BABAM2: variants seen among roughly 807,000 people sequenced by gnomAD.
The protein encoded by BABAM2 is BRISC and BRCA1 A complex member 2, also known as BRISC and BRCA1-A complex member 2.
A neutral mutation model predicts 54.7 loss-of-function variants in BABAM2; 31 were observed. The ratio of observed to expected loss-of-function variants is 0.57; its 90% CI spans 0.43 to 0.77. BABAM2 has a LOEUF of 0.77. Ranked by LOEUF, BABAM2 falls within the 30% of genes least tolerant of loss-of-function variation. The pLI, the probability that BABAM2 is intolerant of heterozygous loss-of-function variation, is 0.00. For missense variants in BABAM2, 364 were observed against 455.8 expected (o/e 0.80, Z 1.83); for synonymous variants, 167 against 162.9 (o/e 1.03, Z -0.19).
At chr2:28,194,650 C>T (rs1045798222) in intron 7 of BABAM2, among the ~76,000 whole-genome samples, 18 of 137,734 alleles carry the variant, frequency 1.3e-4, no homozygotes, top group African/African-American at 2.5e-4. Flanking sequence ...GGCACGATCT[C>T]GGCTCATTGC....
intron 10 of BABAM2, among the ~76,000 whole-genome samples, chr2:28,285,627 C>T (rs1399199147): frequency 6.6e-6 from 1 of 152,182 alleles, no homozygotes; most frequent in East Asian, 1.9e-4. Flanking sequence ...GTCAGCCTTA[C>T]ATCCAATCCC....
chr2:27,929,899 A>G lies in BABAM2; in HGVS notation c.196A>G (p.Thr66Ala). Residue 66 changes from threonine to alanine, a missense_variant, in exon 3 of 12, where the codon ACA becomes GCA. Physicochemically the swap from Thr to Ala is moderately conservative, Grantham distance 58. Transcript: ENST00000379624. ...FKLHIPYAGE[T>A]LKWDIIFNAQ... is the part of the protein sequence containing the mutation. ...ACTGCACATACCATATGCTGGAGAG[A>G]CATTAAAGTGTAAGTAAATGATGAC... The G allele has an allele frequency of 6.2e-7, 1 of 1,611,534 alleles. No individual in the cohort carries two copies. Among genetic ancestry groups the G allele is most frequent in the Non-Finnish European group, 8.5e-7 (1 of 1,177,670 alleles).
Position 27,894,615 on chromosome 2 carries a change from G to C in BABAM2, c.59G>C (p.Ser20Thr). The C allele has an allele frequency of 6.2e-7, 1 of 1,613,992 alleles. No individual in the cohort carries two copies. ...CCAATGCTCTCCCCTTTCATATCTAGCGTGGTCCGGAATGGAAAAGTGGGA... is the reference window on the plus strand; with the variant it reads ...CCAATGCTCTCCCCTTTCATATCTACCGTGGTCCGGAATGGAAAAGTGGGA... ...ISPMLSPFISSVVRNGKVGLD... is the reference protein window; with the variant it reads ...ISPMLSPFISTVVRNGKVGLD... Residue 20 changes from serine to threonine, a missense_variant, in exon 2 of 12, where the codon AGC becomes ACC. Ser to Thr is a moderately conservative substitution (Grantham distance 58). Coordinates refer to ENST00000379624, the MANE Select transcript of BABAM2 (RefSeq NM_199191.3).
intron 10 of BABAM2, among the ~76,000 whole-genome samples, chr2:28,255,968 G>A (rs1273299331): frequency 6.6e-6 from 1 of 152,118 alleles, no homozygotes; most frequent in African/African-American, 2.4e-5. Flanking sequence ...GCCTGGCCTA[G>A]CTCAGAAGTT....
chr2:28,133,863 A>G (rs1290675922), intron 7 of BABAM2, among the ~76,000 whole-genome samples: 2 of 152,204 alleles, frequency 1.3e-5, no homozygotes, highest in Non-Finnish European at 2.9e-5. Context: ...GATGTGTTCT[A>G]ATTTGATGAA....
chr2:28,225,209 T>C (rs1238427013), intron 7 of BABAM2, among the ~76,000 whole-genome samples: 2 of 152,188 alleles, frequency 1.3e-5, no homozygotes, highest in Admixed American at 1.3e-4. Context: ...ACAAGCTGTC[T>C]GTAGGTGAGA....
chr2:27,997,829 G>T (rs1226927439), intron 4 of BABAM2, among the ~76,000 whole-genome samples: 1 of 152,138 alleles, frequency 6.6e-6, no homozygotes, highest in African/African-American at 2.4e-5. Context: ...ATGAGGTACG[G>T]AGTTGAGTAT....
At chr2:28,239,741 C>G (rs914867986) in intron 8 of BABAM2, among the ~76,000 whole-genome samples, 2 of 152,156 alleles carry the variant, frequency 1.3e-5, no homozygotes, top group Admixed American at 6.5e-5. Flanking sequence ...ATTCAAAAAT[C>G]ATCATTTTGC....
intron 7 of BABAM2, among the ~76,000 whole-genome samples, chr2:28,165,086 G>GA (rs1673503248): frequency 6.6e-6 from 1 of 152,166 alleles, no homozygotes; most frequent in Non-Finnish European, 1.5e-5. Context: ...GGGTGCAGAG[G>GA]AATCAGTGAT....
At chr2:28,206,076 A>G (rs1039399637) in intron 7 of BABAM2, among the ~76,000 whole-genome samples, 1 of 152,198 alleles carries the variant, frequency 6.6e-6, no homozygotes, top group Non-Finnish European at 1.5e-5. Context: ...GGGGCCTACA[A>G]TGAGCAAATG....
At chr2:28,094,907 C>CT (rs202097046) in intron 6 of BABAM2, among the ~76,000 whole-genome samples, 5,673 of 130,572 alleles carry the variant, frequency 0.043, 375 homozygotes, top group African/African-American at 0.14. Flanking sequence ...GCTCCCTCTT[C>CT]TTTTTTTTTT....
intron 6 of BABAM2, among the ~76,000 whole-genome samples, chr2:28,107,661 T>C (rs530566392): frequency 6.6e-6 from 1 of 152,326 alleles, no homozygotes; most frequent in East Asian, 1.9e-4. Flanking sequence ...TCGTGCCCTC[T>C]CTTGCATCCT....
chr2:28,275,373 A>G (rs1222253707), intron 10 of BABAM2, among the ~76,000 whole-genome samples: 2 of 152,148 alleles, frequency 1.3e-5, no homozygotes, highest in Admixed American at 1.3e-4. Flanking sequence ...ATATTTCAGT[A>G]TTGCTGCCCA....
chr2:28,328,303 C>T (rs964402331), intron 11 of BABAM2, among the ~76,000 whole-genome samples: 9 of 152,184 alleles, frequency 5.9e-5, no homozygotes, highest in African/African-American at 1.4e-4. Flanking sequence ...AGACCACAAT[C>T]GGTTTTCATA....
At chr2:28,076,377 A>G (rs1664666530) in intron 6 of BABAM2, among the ~76,000 whole-genome samples, 1 of 152,108 alleles carries the variant, frequency 6.6e-6, no homozygotes, top group African/African-American at 2.4e-5. Flanking sequence ...TTTTATGGCA[A>G]CAACTCCTCT....
intron 7 of BABAM2, among the ~76,000 whole-genome samples, chr2:28,232,687 A>G (rs1443460701): frequency 2.0e-5 from 3 of 152,186 alleles, no homozygotes; most frequent in South Asian, 4.1e-4. Flanking sequence ...ACATATCTAA[A>G]CATAGGAAAA....
chr2:27,890,233 C>G (rs377174524), upstream of BABAM2: 48 of 1,610,312 alleles, frequency 3.0e-5, 1 homozygote, highest in African/African-American at 1.3e-5. This position sits in a 1 kb window ranked among gnomAD's most constrained non-coding sequence, Gnocchi z 4.8. Context: ...GAGCCGCAGA[C>G]TGAGTAACTG....
chr2:28,027,435 C>T (rs1220773167), intron 5 of BABAM2, among the ~76,000 whole-genome samples: 1 of 152,172 alleles, frequency 6.6e-6, no homozygotes, highest in Non-Finnish European at 1.5e-5. Context: ...TCCATCACCC[C>T]AGTGAGATCC....
chr2:27,900,735 T>G (rs548803158), intron 2 of BABAM2, among the ~76,000 whole-genome samples: 17 of 152,178 alleles, frequency 1.1e-4, no homozygotes, highest in Non-Finnish European at 4.4e-5. Flanking sequence ...TTCCCTGAAA[T>G]GAGTTGACAT....
Sources: gnomAD v4.1 joint callset for allele counts (sites outside exome capture counted in the v4.1 genomes callset) on GRCh38, gnomAD v4.1.1 for gene constraint, Gnocchi (gnomAD v3.1) non-coding constraint, MANE v1.5 for transcripts, NCBI Gene and HGNC (gene_info 2026-07-23, HGNC 2026-07-21) for gene names.